Variants in EGF observed in about 807,000 individuals in gnomAD.
EGF encodes pro-epidermal growth factor.
In EGF, 95 loss-of-function variants were observed where a neutral mutation model predicts 143.8. That is an observed-to-expected ratio of 0.66 (90% confidence interval 0.56 to 0.78). The LOEUF is 0.78. Among genes scored for constraint, EGF ranks in the 30% least tolerant of loss-of-function variants. The pLI is 0.00. For synonymous variants in EGF, 510 were observed against 510.5 expected (o/e 1.00, Z 0.01); for missense variants, 1,320 against 1,470.9 (o/e 0.90, Z 1.68).
chr4:109,920,608 A>G (rs1737606076), intron 1 of EGF, among the ~76,000 whole-genome samples: 2 of 151,648 alleles, frequency 1.3e-5, no homozygotes, highest in South Asian at 2.1e-4. Context: ...TTTAGTGCTT[A>G]GTTTAATTAT....
At position 109,940,973 on chromosome 4, in the gene EGF, A is replaced by G; in HGVS notation, c.155A>G (p.His52Arg). 4 of 1,614,064 alleles carry G rather than the reference A, an allele frequency of 2.5e-6. No homozygotes were observed. Among genetic ancestry groups the G allele is most frequent in the Non-Finnish European group, 3.4e-6 (4 of 1,179,964 alleles). ...CCTGCACCCTTCTTAATTTTCTCCCATGGAAATAGTATCTTTAGGATTGAC... is the reference window on the plus strand; with the variant it reads ...CCTGCACCCTTCTTAATTTTCTCCCGTGGAAATAGTATCTTTAGGATTGAC... ...VGPAPFLIFS[H>R]GNSIFRIDTE... The change falls in exon 2 of 24, where the codon CAT (histidine) becomes CGT (arginine). Residue 52 changes from histidine (H) to arginine (R), a missense_variant. By Grantham distance (29) the His-to-Arg change is conservative. This residue lies in a region of EGF where 79 missense variants were observed against 71.2 expected (regional missense o/e 1.11). Coordinates refer to ENST00000265171, the MANE Select transcript of EGF (RefSeq NM_001963.6).
intron 1 of EGF, among the ~76,000 whole-genome samples, chr4:109,938,987 T>C (rs1741423398): frequency 6.6e-6 from 1 of 152,210 alleles, no homozygotes; most frequent in South Asian, 2.1e-4. Flanking sequence ...GGGACCCACT[T>C]GAGGAGGCAG....
intron 22 of EGF, 93 bp from the exon 23 acceptor site, chr4:110,008,059 A>G: frequency 8.6e-7 from 1 of 1,167,044 alleles, no homozygotes; most frequent in Non-Finnish European, 1.3e-6. Context: ...CATAGGATGA[A>G]CATCGTAAAG....
chr4:109,953,106 C>T (rs977734957), intron 5 of EGF, among the ~76,000 whole-genome samples: 3 of 152,176 alleles, frequency 2.0e-5, no homozygotes, highest in Non-Finnish European at 4.4e-5. Context: ...GAAATCTGAT[C>T]AGAATCAGAT....
chr4:109,993,950 C>T (rs1264521027), intron 19 of EGF, among the ~76,000 whole-genome samples: 3 of 151,944 alleles, frequency 2.0e-5, no homozygotes, highest in Non-Finnish European at 4.4e-5. Context: ...GGGTCTTTCC[C>T]ATCACTGCCC....
At chr4:109,990,423 G>A (rs1289858507) in intron 18 of EGF, among the ~76,000 whole-genome samples, 3 of 152,194 alleles carry the variant, frequency 2.0e-5, no homozygotes, top group Non-Finnish European at 4.4e-5. Flanking sequence ...TTTGGAAGGA[G>A]CATGGGGGAT....
intron 1 of EGF, among the ~76,000 whole-genome samples, chr4:109,919,901 C>A (rs1737474379): frequency 3.3e-5 from 5 of 151,648 alleles, no homozygotes; most frequent in Admixed American, 3.3e-4. Context: ...CTGGACAGGT[C>A]AAGTGTAAAC....
chr4:109,915,732 C>T (rs1736533054), intron 1 of EGF, among the ~76,000 whole-genome samples: 1 of 152,158 alleles, frequency 6.6e-6, no homozygotes, highest in African/African-American at 2.4e-5. Flanking sequence ...TATTTCTTGC[C>T]CTTGGCATTG....
At chr4:109,960,172 T>A (rs1314652894) in intron 6 of EGF, among the ~76,000 whole-genome samples, 1 of 152,198 alleles carries the variant, frequency 6.6e-6, no homozygotes, top group African/African-American at 2.4e-5. Flanking sequence ...GGAGAAGGTT[T>A]CCACATTTAG....
intron 5 of EGF, among the ~76,000 whole-genome samples, chr4:109,955,887 TGTG>T (rs1744712647): frequency 6.6e-6 from 1 of 152,114 alleles, no homozygotes; most frequent in African/African-American, 2.4e-5. Flanking sequence ...TATACATAAT[TGTG>T]GTGGTGACAA....
chr4:109,957,290 G>A (rs1330748264), intron 5 of EGF, among the ~76,000 whole-genome samples: 1 of 152,176 alleles, frequency 6.6e-6, no homozygotes, highest in Non-Finnish European at 1.5e-5. Flanking sequence ...TGACGGATCA[G>A]GAGAGAGATG....
At chr4:109,996,526 T>C (rs1751816076) in intron 20 of EGF, among the ~76,000 whole-genome samples, 2 of 152,248 alleles carry the variant, frequency 1.3e-5, no homozygotes, top group African/African-American at 4.8e-5. Context: ...CCTGCCCTGA[T>C]GACCTCACCT....
At chr4:109,959,169 G>T in intron 5 of EGF, 143 bp from the exon 6 acceptor site, 1 of 1,314,006 alleles carries the variant, frequency 7.6e-7, no homozygotes, top group East Asian at 2.5e-5. Context: ...TGGGGAATCT[G>T]GGCTCTGGCT....
intron 2 of EGF, among the ~76,000 whole-genome samples, chr4:109,941,860 T>C (rs1402132508): frequency 1.3e-5 from 2 of 152,248 alleles, no homozygotes; most frequent in African/African-American, 2.4e-5. Context: ...TAATCTTTCT[T>C]TTTAGCTGGT....
chr4:109,913,655 T>C (rs1419676137), intron 1 of EGF, among the ~76,000 whole-genome samples, 193 bp downstream of exon 1: 1 of 152,234 alleles, frequency 6.6e-6, no homozygotes, highest in African/African-American at 2.4e-5. Flanking sequence ...ACTATAAAAC[T>C]TCATAACTCT....
At chr4:110,007,157 G>A (rs939005568) in intron 22 of EGF, among the ~76,000 whole-genome samples, 1 of 152,184 alleles carries the variant, frequency 6.6e-6, no homozygotes, top group African/African-American at 2.4e-5. Flanking sequence ...ATGTTCTGTG[G>A]ATTCACACTT....
intron 1 of EGF, among the ~76,000 whole-genome samples, chr4:109,925,162 G>A (rs186768637): frequency 2.0e-5 from 3 of 152,290 alleles, no homozygotes; most frequent in African/African-American, 4.8e-5. Flanking sequence ...TGAAACACTT[G>A]TTCTTCCTGC....
chr4:109,966,772 T>C (rs1746671508), intron 10 of EGF, among the ~76,000 whole-genome samples: 1 of 152,188 alleles, frequency 6.6e-6, no homozygotes, highest in African/African-American at 2.4e-5. Flanking sequence ...TGATTTTGAT[T>C]TTCATTTCTC....
At chr4:109,925,328 A>G (rs1738451259) in intron 1 of EGF, among the ~76,000 whole-genome samples, 1 of 152,254 alleles carries the variant, frequency 6.6e-6, no homozygotes, top group South Asian at 2.1e-4. Context: ...ATACTGTTGA[A>G]TGGAAGTAAA....
Sources: allele counts gnomAD v4.1 joint callset (sites outside exome capture counted in the v4.1 genomes callset), GRCh38; gene constraint gnomAD v4.1.1; regional missense constraint gnomAD v4.1.1; transcripts MANE v1.5; gene names NCBI Gene and HGNC (gene_info 2026-07-23, HGNC 2026-07-21).